Variants in OCLN observed in about 807,000 individuals in gnomAD.
OCLN encodes occludin.
A neutral mutation model predicts 47.9 loss-of-function variants in OCLN; 21 were observed. That is an observed-to-expected ratio of 0.44 (90% CI 0.31 to 0.63). The LOEUF (loss-of-function observed/expected upper bound fraction) is 0.63. Among genes scored for constraint, OCLN ranks in the 30% least tolerant of loss-of-function variants. OCLN has a pLI of 0.08. For missense variants in OCLN, 360 were observed against 571.0 expected, an observed-to-expected ratio of 0.63 and a Z score of 3.77; for synonymous variants, 117 against 198.4, an observed-to-expected ratio of 0.59 and a Z score of 3.45.
At chr5:69,495,533 A>G (rs1768264982) in intron 1 of OCLN, among the ~76,000 whole-genome samples, 1 of 152,210 alleles carries the variant, frequency 6.6e-6, no homozygotes, top group African/African-American at 2.4e-5. Flanking sequence ...TGTGTGAAGA[A>G]CTTCAAGGCA....
At position 69,525,878 on chromosome 5, in the gene OCLN, A is replaced by T. The variant is rs77394936; in HGVS notation, c.892-8816A>T. ...TCCTTCTCAGGGCTGAGAATCAACT[A>T]ATGTTTCCACTGTGATAAAAGTAGG... On this transcript the variant is annotated intron_variant, in intron 4 of 8. Transcript: ENST00000396442. Among the ~76,000 whole-genome samples, 15 of 152,228 alleles carry T rather than the reference A, an allele frequency of 9.9e-5. No individual in the cohort carries two copies. The East Asian group carries it at 2.3e-3, about 23-fold the overall frequency.
chr5:69,507,035 T>G (rs921935045), intron 2 of OCLN, among the ~76,000 whole-genome samples: 10 of 152,360 alleles, frequency 6.6e-5, no homozygotes, highest in Admixed American at 3.3e-4. Flanking sequence ...CTGTGTCCTC[T>G]CCTTTTCTCT....
At chr5:69,514,515 G>C (rs1230128199) in intron 4 of OCLN, among the ~76,000 whole-genome samples, 1 of 151,892 alleles carries the variant, frequency 6.6e-6, no homozygotes, top group African/African-American at 2.4e-5. Context: ...ATAGCAGGTG[G>C]CAGGCCTTTT....
chr5:69,529,823 G>A (rs891891009), intron 4 of OCLN, among the ~76,000 whole-genome samples: 2 of 151,968 alleles, frequency 1.3e-5, no homozygotes, highest in Non-Finnish European at 2.9e-5. Flanking sequence ...GGCTGGTCTC[G>A]AACTCCCGAC....
chr5:69,509,701 C>T lies in OCLN; in HGVS notation c.611C>T (p.Ser204Phe), dbSNP rs1188040773. The T allele has an allele frequency of 1.9e-6, 3 of 1,614,184 alleles. No homozygotes were observed. The highest frequency in any genetic ancestry group is 1.3e-5 in the African/African-American group (1 of 75,052). ...GGAGTGAACCCAACTGCTCAGTCTT[C>T]TGGATCTCTATATGGTTCACAAATA... is the stretch of plus-strand genomic sequence containing the variant. ...IMGVNPTAQS[S>F]GSLYGSQIYA... The change falls in exon 3 of 9, where the codon TCT becomes TTT. Residue 204 changes from serine to phenylalanine, a missense_variant. Ser to Phe is a radical substitution (Grantham distance 155). This residue lies in a region of OCLN where 314 missense variants were observed against 368.1 expected (regional missense o/e 0.85). Coordinates refer to ENST00000396442, the MANE Select transcript of OCLN (RefSeq NM_001205254.2).
At chr5:69,515,915 C>A (rs866508184) in intron 4 of OCLN, among the ~76,000 whole-genome samples, 3 of 150,886 alleles carry the variant, frequency 2.0e-5, no homozygotes, top group African/African-American at 7.3e-5. Context: ...CGGGCAGAGA[C>A]GCTCCTCACT....
At chr5:69,518,109 T>A (rs1769028206) in intron 4 of OCLN, among the ~76,000 whole-genome samples, 1 of 152,228 alleles carries the variant, frequency 6.6e-6, no homozygotes, top group Non-Finnish European at 1.5e-5. Flanking sequence ...TTGCTTTTGA[T>A]AATTTGGCAA....
At position 69,493,091 on chromosome 5, in the gene OCLN, A is replaced by G. The variant is rs528284258; in HGVS notation, c.-69+191A>G. ...TCTGCGGAGAGAGCAGCACCGGCCA[A>G]CTTGGGAGGCTGCCTCCTGGGGCGA... On this transcript the variant is annotated intron_variant, in intron 1 of 8. Coordinates refer to ENST00000396442, the MANE Select transcript of OCLN (RefSeq NM_001205254.2). The surrounding 1 kb of genome is among the most constrained non-coding windows in gnomAD (Gnocchi z 5.3). 1.8e-4 allele frequency among the ~76,000 whole-genome samples: 28 copies of G among 152,280 alleles called. No individual in the cohort carries two copies. Among genetic ancestry groups the G allele is most frequent in the African/African-American group, 6.7e-4 (28 of 41,578 alleles).
intron 3 of OCLN, 117 bp downstream of exon 3, chr5:69,509,936 C>G: frequency 1.2e-6 from 1 of 804,026 alleles, no homozygotes; most frequent in Non-Finnish European, 2.1e-6. Flanking sequence ...GGCTCCACTT[C>G]TAATTAAATC....
At chr5:69,499,817 C>G (rs1768405578) in intron 1 of OCLN, among the ~76,000 whole-genome samples, 1 of 152,124 alleles carries the variant, frequency 6.6e-6, no homozygotes, top group Non-Finnish European at 1.5e-5. Flanking sequence ...GATCTCTTGA[C>G]CTCGTGATCC....
intron 1 of OCLN, among the ~76,000 whole-genome samples, chr5:69,503,585 G>T (rs1768517621): frequency 1.3e-5 from 2 of 152,134 alleles, no homozygotes; most frequent in Admixed American, 6.6e-5. Flanking sequence ...CTTGTTGAGT[G>T]AAATTTCTCC....
In OCLN at chr5:69,509,634, C is replaced by T. The variant is rs769537331; in HGVS notation, c.544C>T (p.Leu182=). The T allele has an allele frequency of 8.7e-6, 14 of 1,614,068 alleles. 1 individual carries two copies. The Admixed American group carries it at 2.3e-4, about 27-fold the overall frequency. The part of the protein sequence containing the change: ...YLSVIIVSAI[L]GIMVFIATIV... Reference sequence around the variant, plus strand: ...AAGTGTGATAATAGTGAGTGCTATCCTGGGCATCATGGTGTTTATTGCCAC... The same window carrying T: ...AAGTGTGATAATAGTGAGTGCTATCTTGGGCATCATGGTGTTTATTGCCAC... The change falls in exon 3 of 9, where the codon CTG becomes TTG. Residue 182 remains leucine (L), a synonymous_variant. Transcript: ENST00000396442.
chr5:69,498,576 G>T (rs1768368249), intron 1 of OCLN, among the ~76,000 whole-genome samples: 1 of 152,066 alleles, frequency 6.6e-6, no homozygotes, highest in Admixed American at 6.6e-5. Flanking sequence ...TCTGTGAGAG[G>T]TTGCTTCCAG....
intron 4 of OCLN, among the ~76,000 whole-genome samples, chr5:69,516,611 CTT>C (rs1241975199): frequency 6.6e-6 from 1 of 152,186 alleles, no homozygotes; most frequent in East Asian, 1.9e-4. Context: ...TTATGAAATA[CTT>C]CAGTGAGGCA....
intron 4 of OCLN, among the ~76,000 whole-genome samples, chr5:69,514,982 C>G (rs1302075324): frequency 6.6e-6 from 1 of 152,236 alleles, no homozygotes; most frequent in Non-Finnish European, 1.5e-5. Context: ...CCTTTCCCCC[C>G]TTTCTATTCC....
At chr5:69,529,770 T>C (rs570081072) in intron 4 of OCLN, among the ~76,000 whole-genome samples, 1 of 152,162 alleles carries the variant, frequency 6.6e-6, no homozygotes, top group East Asian at 1.9e-4. Context: ...GCCTGGCTAA[T>C]TTTTGTATTT....
At chr5:69,549,413 C>A (rs1769799931) in intron 7 of OCLN, among the ~76,000 whole-genome samples, 1 of 147,228 alleles carries the variant, frequency 6.8e-6, no homozygotes, top group African/African-American at 2.5e-5. Flanking sequence ...CATCTTAAAT[C>A]CTACCATCAA....
At chr5:69,515,192 C>T (rs1165739061) in intron 4 of OCLN, among the ~76,000 whole-genome samples, 12 of 135,308 alleles carry the variant, frequency 8.9e-5, no homozygotes, top group South Asian at 2.4e-4. Flanking sequence ...GGCGGCTGGC[C>T]GGGCAGAGGG....
chr5:69,525,347 G>A (rs569109296), intron 4 of OCLN, among the ~76,000 whole-genome samples: 1 of 151,536 alleles, frequency 6.6e-6, no homozygotes, highest in African/African-American at 2.4e-5. Flanking sequence ...CTCATGATCC[G>A]CCCGCCTCAG....
Sources: gnomAD v4.1 joint callset for allele counts (sites outside exome capture counted in the v4.1 genomes callset) on GRCh38, gnomAD v4.1.1 for gene constraint, gnomAD v4.1.1 regional missense constraint, Gnocchi (gnomAD v3.1) non-coding constraint, MANE v1.5 for transcripts, NCBI Gene and HGNC (gene_info 2026-07-23, HGNC 2026-07-21) for gene names.